Variants in EPHA6 observed in about 807,000 individuals in gnomAD.
The protein encoded by EPHA6 is ephrin type-A receptor 6.
In EPHA6, 50 loss-of-function variants were observed where a neutral mutation model predicts 112.0. The observed-to-expected ratio is 0.45, with a 90% CI of 0.36 to 0.56. The LOEUF is 0.56. Among genes scored for constraint, EPHA6 ranks in the 20% least tolerant of loss-of-function variants. The pLI is 0.00. For missense variants in EPHA6, 1,280 were observed against 1,417.4 expected (o/e 0.90, Z 1.56); for synonymous variants, 529 against 490.7 (o/e 1.08, Z -1.03).
intron 3 of EPHA6, among the ~76,000 whole-genome samples, chr3:97,047,741 G>T (rs2108074697): frequency 6.6e-6 from 1 of 151,836 alleles, no homozygotes; most frequent in South Asian, 2.1e-4. Flanking sequence ...TAAATAAGTG[G>T]ATTGTATAAC....
At chr3:97,265,995 A>G (rs1293307865) in intron 5 of EPHA6, among the ~76,000 whole-genome samples, 1 of 152,224 alleles carries the variant, frequency 6.6e-6, no homozygotes, top group Admixed American at 6.5e-5. Flanking sequence ...TTCTTAAGTA[A>G]TTGGATGCTT....
intron 1 of EPHA6, among the ~76,000 whole-genome samples, chr3:96,857,348 G>A (rs1462101625): frequency 1.3e-5 from 2 of 152,008 alleles, no homozygotes; most frequent in African/African-American, 2.4e-5. Context: ...CAACCATAAA[G>A]CTTCCATCTG....
At chr3:97,696,410 A>G (rs2033042205) in intron 14 of EPHA6, among the ~76,000 whole-genome samples, 1 of 152,160 alleles carries the variant, frequency 6.6e-6, no homozygotes, top group South Asian at 2.1e-4. Context: ...TCATTATGCA[A>G]GTTTTTCCTC....
intron 3 of EPHA6, among the ~76,000 whole-genome samples, chr3:97,180,270 T>C (rs1559778503): frequency 1.3e-5 from 2 of 151,994 alleles, no homozygotes; most frequent in East Asian, 3.9e-4. Flanking sequence ...CTGGTACTCG[T>C]CCTTCAGGGC....
At chr3:97,004,667 G>A (rs796116920) in intron 3 of EPHA6, among the ~76,000 whole-genome samples, 2 of 152,086 alleles carry the variant, frequency 1.3e-5, no homozygotes, top group African/African-American at 4.8e-5. Flanking sequence ...TATCAATTAT[G>A]GCTTTTGTTG....
At chr3:97,464,228 C>A (rs898992043) in intron 7 of EPHA6, among the ~76,000 whole-genome samples, 24 of 152,034 alleles carry the variant, frequency 1.6e-4, no homozygotes, top group African/African-American at 5.8e-4. Context: ...AGGTCTCTGT[C>A]GGTAATCCAA....
intron 5 of EPHA6, among the ~76,000 whole-genome samples, chr3:97,352,214 T>C (rs1455914469): frequency 6.6e-6 from 1 of 152,082 alleles, no homozygotes; most frequent in Non-Finnish European, 1.5e-5. Context: ...ATATCAGAAA[T>C]ATATTTGGGT....
intron 2 of EPHA6, among the ~76,000 whole-genome samples, chr3:96,871,914 G>A (rs1183927492): frequency 6.6e-6 from 1 of 151,970 alleles, no homozygotes; most frequent in African/African-American, 2.4e-5. Context: ...TGTGGTAACG[G>A]CCTCTTAAAA....
chr3:97,173,668 A>C (rs1372710269), intron 3 of EPHA6, among the ~76,000 whole-genome samples: 1 of 151,882 alleles, frequency 6.6e-6, no homozygotes, highest in Non-Finnish European at 1.5e-5. Context: ...AATGTATACA[A>C]GATGTGAAAA....
chr3:97,530,216 A>T (rs998297406), intron 10 of EPHA6, among the ~76,000 whole-genome samples: 2 of 152,050 alleles, frequency 1.3e-5, no homozygotes, highest in African/African-American at 4.8e-5. Flanking sequence ...GTGTAAACAC[A>T]CATACCCACT....
At chr3:97,185,629 C>T (rs556153374) in intron 3 of EPHA6, among the ~76,000 whole-genome samples, 1 of 151,998 alleles carries the variant, frequency 6.6e-6, no homozygotes, top group African/African-American at 2.4e-5. Flanking sequence ...TGTAAACTAG[C>T]TCAACCATTG....
chr3:96,959,624 T>C (rs894504682), intron 2 of EPHA6, among the ~76,000 whole-genome samples: 3 of 152,158 alleles, frequency 2.0e-5, no homozygotes, highest in African/African-American at 7.2e-5. Context: ...ATTTTTATAG[T>C]TTAGCTTTTA....
chr3:97,150,627 A>G (rs918178978), intron 3 of EPHA6, among the ~76,000 whole-genome samples: 7 of 152,084 alleles, frequency 4.6e-5, no homozygotes, highest in Admixed American at 2.0e-4. Flanking sequence ...ACTGTGAGTA[A>G]TGAAGTTATT....
chr3:96,926,658 C>G (rs1270292668), intron 2 of EPHA6, among the ~76,000 whole-genome samples: 1 of 152,240 alleles, frequency 6.6e-6, no homozygotes, highest in East Asian at 1.9e-4. Flanking sequence ...AGGCCCCATG[C>G]AAGTCCAAAC....
intron 3 of EPHA6, among the ~76,000 whole-genome samples, chr3:97,197,456 C>A (rs189370643): frequency 6.6e-6 from 1 of 151,808 alleles, no homozygotes; most frequent in African/African-American, 2.4e-5. Flanking sequence ...AAGGGTGTGT[C>A]GAGAAATGTC....
intron 16 of EPHA6, among the ~76,000 whole-genome samples, chr3:97,741,348 G>A (rs182547743): frequency 6.6e-5 from 10 of 151,614 alleles, no homozygotes; most frequent in Admixed American, 2.0e-4. Flanking sequence ...GTGAGACTCC[G>A]TATCTAAAAA....
At chr3:97,322,811 A>C (rs971060782) in intron 5 of EPHA6, among the ~76,000 whole-genome samples, 1 of 152,006 alleles carries the variant, frequency 6.6e-6, no homozygotes, top group Non-Finnish European at 1.5e-5. Flanking sequence ...AAAAAAATCT[A>C]TAATGTTTTA....
At chr3:96,872,560 T>C (rs570924722) in intron 2 of EPHA6, among the ~76,000 whole-genome samples, 84 of 152,256 alleles carry the variant, frequency 5.5e-4, no homozygotes, top group Middle Eastern at 3.4e-3. Context: ...AGAAAGTCTT[T>C]ATATCTTCTT....
chr3:97,494,214 A>G (rs2091921506), intron 10 of EPHA6, among the ~76,000 whole-genome samples: 1 of 152,208 alleles, frequency 6.6e-6, no homozygotes, highest in Non-Finnish European at 1.5e-5. Flanking sequence ...ATAATGGAAA[A>G]GTACCTTAAT....
Sources: allele counts gnomAD v4.1 joint callset (sites outside exome capture counted in the v4.1 genomes callset), GRCh38; gene constraint gnomAD v4.1.1; transcripts MANE v1.5; gene names NCBI Gene and HGNC (gene_info 2026-07-23, HGNC 2026-07-21).